YAF2: variants seen among roughly 807,000 people sequenced by gnomAD.
The protein encoded by YAF2 is YY1 associated factor 2.
In YAF2, 7 loss-of-function variants were observed where a neutral mutation model predicts 20.1. The observed-to-expected ratio is 0.35, with a 90% CI of 0.20 to 0.65. YAF2 has a LOEUF of 0.65. Among genes scored for constraint, YAF2 ranks in the 30% least tolerant of loss-of-function variants. YAF2 has a pLI of 0.69. For missense variants in YAF2, 151 were observed against 219.2 expected (o/e 0.69, Z 1.96); for synonymous variants, 74 against 76.0 (o/e 0.97, Z 0.14).
At chr12:42,211,153 G>A (rs1244048380) in intron 2 of YAF2, among the ~76,000 whole-genome samples, 1 of 151,972 alleles carries the variant, frequency 6.6e-6, no homozygotes, top group African/African-American at 2.4e-5. Flanking sequence ...CAGGCCAGGC[G>A]TGGTGGCTCA....
At chr12:42,205,409 T>C (rs1479201213) in intron 2 of YAF2, among the ~76,000 whole-genome samples, 1 of 151,052 alleles carries the variant, frequency 6.6e-6, no homozygotes, top group African/African-American at 2.4e-5. Flanking sequence ...GGAGTCTCGC[T>C]CTGTCACCCA....
intron 2 of YAF2, among the ~76,000 whole-genome samples, chr12:42,179,041 A>C (rs2066270665): frequency 1.3e-5 from 2 of 152,182 alleles, no homozygotes; most frequent in South Asian, 4.1e-4. Flanking sequence ...AAACAAAGCG[A>C]GACCCTCTCT....
intron 2 of YAF2, among the ~76,000 whole-genome samples, chr12:42,206,335 G>A (rs367782777): frequency 1.1e-4 from 17 of 149,460 alleles, no homozygotes; most frequent in Middle Eastern, 7.2e-3. Context: ...CTGGCTGGGC[G>A]CAGTGGCTCA....
intron 2 of YAF2, among the ~76,000 whole-genome samples, chr12:42,175,315 T>G (rs1157939164): frequency 2.0e-5 from 3 of 152,008 alleles, no homozygotes; most frequent in South Asian, 2.1e-4. Flanking sequence ...AACTAATTTA[T>G]AGTGACAGAA....
rs1017672177 is a variant in YAF2 at position 42,237,467 on chromosome 12, T to A, written c.152+132A>T. 18 of 1,354,320 alleles carry A rather than the reference T, an allele frequency of 1.3e-5. No homozygotes were observed. In the African/African-American group the frequency reaches 2.6e-4, roughly 20 times the overall value. 83.9% of individuals were successfully genotyped at this position (1,354,320 alleles called of 1,614,324 possible). On this transcript the variant is annotated intron_variant, in intron 2 of 3. Transcript: ENST00000534854. ...TGCGATCAATGTGACCCAGTTCCTA[T>A]CGCCACAGCCACCTCCGTCTGCCTC...
Position 42,237,649 on chromosome 12 carries a change from G to C in YAF2, c.102C>G (p.Ala34=), listed in dbSNP as rs769993656. Residue 34 remains alanine, a synonymous_variant, in exon 2 of 4, where the codon GCC becomes GCG. Transcript: ENST00000534854. ...DCSVCTFRNS[A]EAFKCMMCDV... The stretch of plus-strand genomic sequence containing the variant: ...CGCACATCATGCACTTGAAGGCCTC[G>C]GCGCTGTTCCGGAAGGTGCAGACGC... 1.9e-6 allele frequency: 3 copies of C among 1,580,600 alleles called. No homozygotes were observed. The highest frequency in any genetic ancestry group is 1.8e-5 in the Admixed American group (1 of 55,770).
intron 2 of YAF2, among the ~76,000 whole-genome samples, chr12:42,225,215 G>GT (rs900720978): frequency 4.0e-5 from 6 of 148,638 alleles, no homozygotes; most frequent in Admixed American, 6.6e-5. Flanking sequence ...TGATGGGGTT[G>GT]TTTTTTTTCT....
At chr12:42,221,216 A>C (rs1183776626) in intron 2 of YAF2, among the ~76,000 whole-genome samples, 5 of 152,328 alleles carry the variant, frequency 3.3e-5, no homozygotes, top group African/African-American at 1.2e-4. Context: ...AATTATAAGA[A>C]GAAATCTTTA....
At chr12:42,203,216 G>A (rs1433429340) in intron 2 of YAF2, among the ~76,000 whole-genome samples, 1 of 151,886 alleles carries the variant, frequency 6.6e-6, no homozygotes, top group Non-Finnish European at 1.5e-5. Context: ...CTAATTTTAT[G>A]TCCTTCAATA....
At chr12:42,208,618 A>T (rs1426953831) in intron 2 of YAF2, among the ~76,000 whole-genome samples, 1 of 152,188 alleles carries the variant, frequency 6.6e-6, no homozygotes, top group Non-Finnish European at 1.5e-5. Flanking sequence ...GTACTGTATT[A>T]AATAAATTCC....
chr12:42,224,457 C>T (rs1408576635), intron 2 of YAF2, among the ~76,000 whole-genome samples: 1 of 151,980 alleles, frequency 6.6e-6, no homozygotes, highest in African/African-American at 2.4e-5. Flanking sequence ...ATACACGTGC[C>T]ATAGTGGTTT....
chr12:42,210,677 T>C lies in YAF2; in HGVS notation c.152+26922A>G, dbSNP rs754158467. ...TACTGGTAAGTGATCCAGCTTTTTC[T>C]TCTCTATCAGAATAAGAAGATTATT... On this transcript the variant is annotated intron_variant, in intron 2 of 3. Coordinates refer to ENST00000534854, the MANE Select transcript of YAF2 (RefSeq NM_005748.6). The C allele has an allele frequency of 3.3e-6, 5 of 1,534,902 alleles. No homozygotes were observed. The South Asian group carries it at 6.0e-5, about 18-fold the overall frequency.
intron 2 of YAF2, among the ~76,000 whole-genome samples, chr12:42,225,389 GC>G (rs1235861975): frequency 6.6e-6 from 1 of 152,072 alleles, no homozygotes; most frequent in Non-Finnish European, 1.5e-5. Context: ...GTCAATTTTG[GC>G]TTTTGTTGCC....
chr12:42,224,897 T>C (rs1437444944), intron 2 of YAF2, among the ~76,000 whole-genome samples: 2 of 152,238 alleles, frequency 1.3e-5, no homozygotes, highest in Non-Finnish European at 2.9e-5. Flanking sequence ...TACCCAGTAA[T>C]GAGACTGCTG....
At chr12:42,205,398 C>G (rs1353805904) in intron 2 of YAF2, among the ~76,000 whole-genome samples, 1 of 146,496 alleles carries the variant, frequency 6.8e-6, no homozygotes, top group East Asian at 2.0e-4. Context: ...TTTTTTGAGA[C>G]GGAGTCTCGC....
intron 2 of YAF2, among the ~76,000 whole-genome samples, chr12:42,192,669 A>G (rs2066645574): frequency 6.6e-6 from 1 of 152,220 alleles, no homozygotes; most frequent in Non-Finnish European, 1.5e-5. Flanking sequence ...AGTAGCCCAG[A>G]AAAGAGATGG....
intron 2 of YAF2, among the ~76,000 whole-genome samples, chr12:42,214,974 A>T (rs1370300306): frequency 1.3e-5 from 2 of 152,174 alleles, no homozygotes; most frequent in African/African-American, 4.8e-5. Context: ...ACTGCACTCC[A>T]GCCTGGGCAA....
intron 2 of YAF2, among the ~76,000 whole-genome samples, chr12:42,207,774 C>T (rs990284577): frequency 5.3e-5 from 7 of 131,436 alleles, no homozygotes; most frequent in Non-Finnish European, 1.6e-5. Context: ...GCCTGTAGTC[C>T]CAGCTACTTG....
intron 2 of YAF2, among the ~76,000 whole-genome samples, chr12:42,194,861 G>A (rs961547821): frequency 1.3e-5 from 2 of 152,102 alleles, no homozygotes; most frequent in African/African-American, 4.8e-5. Flanking sequence ...GAGATGTCTA[G>A]AAGACACACA....
Sources: allele counts gnomAD v4.1 joint callset (sites outside exome capture counted in the v4.1 genomes callset), GRCh38; gene constraint gnomAD v4.1.1; transcripts MANE v1.5; gene names NCBI Gene and HGNC (gene_info 2026-07-23, HGNC 2026-07-21).